The following TRAF3IP2 variants were observed in gnomAD, a reference collection of about 807,000 sequenced individuals.
TRAF3IP2 encodes TRAF3 interacting protein 2.
TRAF3IP2 carries 35 observed loss-of-function variants against 57.9 expected under a neutral mutation model. The ratio of observed to expected loss-of-function variants is 0.60; its 90% CI spans 0.46 to 0.80. The LOEUF (loss-of-function observed/expected upper bound fraction) is 0.80, where lower values mean the gene tolerates loss of function less well. TRAF3IP2 is among the 30% of genes least tolerant of loss of function. The probability of loss-of-function intolerance (pLI) is 0.00; values close to 1 mark genes in which losing one functional copy is unlikely to be tolerated. For missense variants in TRAF3IP2, 556 were observed against 706.4 expected (o/e 0.79, Z 2.41); for synonymous variants, 251 against 268.9 (o/e 0.93, Z 0.65).
chr6:111,587,905 C>T (rs1451722746), intron 2 of TRAF3IP2, among the ~76,000 whole-genome samples: 1 of 152,106 alleles, frequency 6.6e-6, no homozygotes, highest in Non-Finnish European at 1.5e-5. Flanking sequence ...AATAAACATT[C>T]TTGTTCTTGT....
chr6:111,595,100 C>CA (rs1165978761), intron 1 of TRAF3IP2, among the ~76,000 whole-genome samples: 1 of 152,036 alleles, frequency 6.6e-6, no homozygotes, highest in African/African-American at 2.4e-5. Flanking sequence ...GGTATGGTGG[C>CA]AGGCACCTGT....
intron 8 of TRAF3IP2, among the ~76,000 whole-genome samples, chr6:111,561,976 T>A (rs931166594): frequency 6.6e-6 from 1 of 152,150 alleles, no homozygotes; most frequent in African/African-American, 2.4e-5. Flanking sequence ...AGGTGTCCCG[T>A]TCCCATAAAC....
chr6:111,596,906 G>A (rs757979487), intron 1 of TRAF3IP2, among the ~76,000 whole-genome samples: 23 of 152,216 alleles, frequency 1.5e-4, no homozygotes, highest in Non-Finnish European at 8.8e-5. Context: ...CTGGGGGCAT[G>A]ATTTTTGACT....
rs189743292 is a variant in TRAF3IP2, at chr6:111,590,780, G to A, written c.829+478C>T. Among the ~76,000 whole-genome samples the A allele has an allele frequency of 2.1e-3, 325 of 152,202 alleles. 1 individual carries two copies. The highest frequency in any genetic ancestry group is 8.7e-4 in the African/African-American group (36 of 41,534). ...CAACTTCATTTTCATGTAATGGCCC[G>A]AATCCCAGAGTCTCAATGACATTCT... is the stretch of plus-strand genomic sequence containing the variant. On this transcript the variant is annotated intron_variant, in intron 2 of 8. Transcript: ENST00000368761.
In TRAF3IP2 at chr6:111,591,342, G is replaced by A; in HGVS notation, c.745C>T (p.Gln249Ter). The A allele has an allele frequency of 6.5e-7, 1 of 1,531,858 alleles. No individual in the cohort carries two copies. Among genetic ancestry groups the A allele is most frequent in the African/African-American group, 1.4e-5 (1 of 72,128 alleles). The allele number at this position is 1,531,858 out of a possible 1,614,324, so 94.9% of individuals were successfully genotyped here. ...FEPQRYPACA[Q>*]MLPPNLSPHA... ...GGGGAAAGATTGGGAGGCAGCATCTGTGCACATGCTGGATACCTCTGAGGT... is the reference window on the plus strand; with the variant it reads ...GGGGAAAGATTGGGAGGCAGCATCTATGCACATGCTGGATACCTCTGAGGT... Residue 249 changes from glutamine to a stop codon, truncating the protein, a stop_gained, in exon 2 of 9, where the codon CAG becomes TAG. Coordinates refer to ENST00000368761, the MANE Select transcript of TRAF3IP2 (RefSeq NM_147686.4). LOFTEE classifies it high-confidence loss of function. This position sits in a 1 kb window ranked among gnomAD's most constrained non-coding sequence, Gnocchi z 4.9.
intron 1 of TRAF3IP2, among the ~76,000 whole-genome samples, chr6:111,597,047 C>T (rs529619677): frequency 5.1e-4 from 77 of 152,248 alleles, no homozygotes; most frequent in African/African-American, 1.8e-3. Context: ...TCCATGTAGC[C>T]GGATCAGTGA....
At chr6:111,585,797 AATC>A in intron 2 of TRAF3IP2, among the ~76,000 whole-genome samples, 1 of 152,216 alleles carries the variant, frequency 6.6e-6, no homozygotes, top group African/African-American at 2.4e-5. Context: ...AGGCAGTGTT[AATC>A]ACAAAGCAAA....
At chr6:111,561,720 G>A (rs1312459455) in intron 8 of TRAF3IP2, among the ~76,000 whole-genome samples, 1 of 152,132 alleles carries the variant, frequency 6.6e-6, no homozygotes. Flanking sequence ...TAAGAAAGGT[G>A]GATATGATCT....
chr6:111,580,103 G>C (rs1796108824), intron 3 of TRAF3IP2, 94 bp downstream of exon 3: 11 of 1,460,352 alleles, frequency 7.5e-6, no homozygotes, highest in Non-Finnish European at 1.0e-5. Context: ...ACGTGGGTTA[G>C]CAAACCTATA....
chr6:111,585,206 C>A (rs1796288274), intron 2 of TRAF3IP2, among the ~76,000 whole-genome samples: 1 of 152,154 alleles, frequency 6.6e-6, no homozygotes, highest in Non-Finnish European at 1.5e-5. Flanking sequence ...TTATCCATCT[C>A]TCCAGTAGAC....
chr6:111,599,710 T>A (rs1265548090), intron 1 of TRAF3IP2, among the ~76,000 whole-genome samples: 1 of 152,092 alleles, frequency 6.6e-6, no homozygotes. Context: ...GATCTCAGAG[T>A]TCACCAAAAA....
chr6:111,601,154 C>A, intron 1 of TRAF3IP2: 2 of 770,454 alleles, frequency 2.6e-6, no homozygotes, highest in Middle Eastern at 2.4e-4. Flanking sequence ...GCCACATAAC[C>A]CCTAGGAGAT....
chr6:111,585,838 G>A (rs1429188061), intron 2 of TRAF3IP2, among the ~76,000 whole-genome samples: 1 of 152,100 alleles, frequency 6.6e-6, no homozygotes, highest in Non-Finnish European at 1.5e-5. Context: ...ATCACAAATG[G>A]GCGCCCAGGA....
At chr6:111,590,425 G>A (rs1796469865) in intron 2 of TRAF3IP2, among the ~76,000 whole-genome samples, 1 of 152,154 alleles carries the variant, frequency 6.6e-6, no homozygotes, top group Non-Finnish European at 1.5e-5. Context: ...CTTGAGCTAA[G>A]TCTCAAAAAA....
intron 2 of TRAF3IP2, among the ~76,000 whole-genome samples, chr6:111,583,798 G>A (rs1457164716): frequency 6.6e-6 from 1 of 152,128 alleles, no homozygotes; most frequent in Non-Finnish European, 1.5e-5. Flanking sequence ...CATGAAACTG[G>A]TCCCTAGTGC....
chr6:111,600,125 G>T (rs1796819373), intron 1 of TRAF3IP2: 1 of 152,174 alleles, frequency 6.6e-6, no homozygotes, highest in South Asian at 2.1e-4. Context: ...AGTGTTGAAT[G>T]TAGAGCCTGG....
At chr6:111,561,416 A>T (rs1200372950) in intron 8 of TRAF3IP2, among the ~76,000 whole-genome samples, 1 of 152,102 alleles carries the variant, frequency 6.6e-6, no homozygotes, top group Non-Finnish European at 1.5e-5. Context: ...CTCCAGCCTG[A>T]TGACAGAGCA....
At chr6:111,570,394 T>C (rs1372278257) in intron 5 of TRAF3IP2, among the ~76,000 whole-genome samples, 1 of 152,242 alleles carries the variant, frequency 6.6e-6, no homozygotes, top group Non-Finnish European at 1.5e-5. Flanking sequence ...GCCAGAATAC[T>C]GCACTATCCC....
intron 2 of TRAF3IP2, chr6:111,587,100 G>A (rs1437980204): frequency 6.6e-6 from 1 of 152,184 alleles, no homozygotes; most frequent in Non-Finnish European, 1.5e-5. Flanking sequence ...CTTCTCTGTG[G>A]TTAGATGGGA....
Sources: gnomAD v4.1 joint callset for allele counts (sites outside exome capture counted in the v4.1 genomes callset) on GRCh38, gnomAD v4.1.1 for gene constraint, Gnocchi (gnomAD v3.1) non-coding constraint, MANE v1.5 for transcripts, NCBI Gene and HGNC (gene_info 2026-07-23, HGNC 2026-07-21) for gene names.